ADAM18: variants seen among roughly 807,000 people sequenced by gnomAD.
The protein encoded by ADAM18 is ADAM metallopeptidase domain 18.
In ADAM18, 117 loss-of-function variants were observed where a neutral mutation model predicts 94.4. The ratio of observed to expected loss-of-function variants is 1.24; its 90% CI spans 1.07 to 1.45. The LOEUF (loss-of-function observed/expected upper bound fraction) is 1.45. Among genes scored for constraint, ADAM18 ranks in the 40% most tolerant of loss-of-function variants. ADAM18 has a pLI of 0.00. For missense variants in ADAM18, 936 were observed against 880.0 expected, an observed-to-expected ratio of 1.06 and a Z score of -0.81; for synonymous variants, 327 against 291.6, an observed-to-expected ratio of 1.12 and a Z score of -1.24.
At chr8:39,726,265 C>A (rs1322535629) in intron 19 of ADAM18, among the ~76,000 whole-genome samples, 2 of 150,162 alleles carry the variant, frequency 1.3e-5, no homozygotes, top group Non-Finnish European at 3.0e-5. Flanking sequence ...TCTACACACA[C>A]ACACACACAC....
At position 39,614,137 on chromosome 8, in the gene ADAM18, A is replaced by G. The variant is rs148240046; in HGVS notation, c.522+3431A>G. On this transcript the variant is annotated intron_variant, in intron 6 of 19. Transcript: ENST00000265707. ...TAGGAAATTCAGAGAACCCCAGGAA[A>G]ATGCTATACGAGACAACCATCCCAA... Among the ~76,000 whole-genome samples, 290 of 152,314 alleles carry G rather than the reference A, an allele frequency of 1.9e-3. 2 individuals carry two copies. The highest frequency in any genetic ancestry group is 6.4e-3 in the African/African-American group (268 of 41,576).
At chr8:39,625,799 A>AT (rs1389537703) in intron 6 of ADAM18, among the ~76,000 whole-genome samples, 1 of 151,842 alleles carries the variant, frequency 6.6e-6, no homozygotes, top group Non-Finnish European at 1.5e-5. Flanking sequence ...ATTATTTTCA[A>AT]TTTTTTATGT....
In ADAM18 at chr8:39,701,117, C is replaced by CAAAAAAAAAAAAAAAAAA. The variant is rs71237188; in HGVS notation, c.1903-5658_1903-5641dup. 4.3e-4 allele frequency among the ~76,000 whole-genome samples: 15 copies of CAAAAAAAAAAAAAAAAAA among 34,564 alleles called. 2 individuals are homozygous for CAAAAAAAAAAAAAAAAAA. Among genetic ancestry groups the CAAAAAAAAAAAAAAAAAA allele is most frequent in the African/African-American group, 9.2e-4 (9 of 9,814 alleles). 22.7% of individuals were successfully genotyped at this position (34,564 alleles called of 152,430 possible). On this transcript the variant is annotated intron_variant, in intron 17 of 19. Transcript: ENST00000265707. ...TGGGCGACAGAGCAAGACTCTGTCT[C>CAAAAAAAAAAAAAAAAAA]AAAAAAAAAAAAAAAAAAAAAAAAA...
chr8:39,729,814 G>A, intron 19 of ADAM18, 84 bp from the exon 20 acceptor site: 2 of 1,073,882 alleles, frequency 1.9e-6, no homozygotes, highest in East Asian at 2.4e-5. Context: ...TAGAAATTCA[G>A]TAGTAAATAT....
chr8:39,704,533 T>C, intron 17 of ADAM18, among the ~76,000 whole-genome samples: 1 of 152,178 alleles, frequency 6.6e-6, no homozygotes, highest in African/African-American at 2.4e-5. Context: ...TAAATCATTT[T>C]TAATGTTTTA....
intron 2 of ADAM18, among the ~76,000 whole-genome samples, chr8:39,596,581 G>T (rs1377522500): frequency 6.6e-6 from 1 of 152,158 alleles, no homozygotes; most frequent in Non-Finnish European, 1.5e-5. Flanking sequence ...CCTACTGAAG[G>T]ATGTGTTGGC....
chr8:39,670,665 A>C (rs901931900), intron 14 of ADAM18, among the ~76,000 whole-genome samples: 1 of 152,258 alleles, frequency 6.6e-6, no homozygotes, highest in African/African-American at 2.4e-5. Context: ...TAAGAGAAAA[A>C]GACAGTAAAA....
At chr8:39,662,022 C>G (rs1188975251) in intron 12 of ADAM18, among the ~76,000 whole-genome samples, 1 of 151,368 alleles carries the variant, frequency 6.6e-6, no homozygotes, top group African/African-American at 2.4e-5. Context: ...GAAAAAAGCT[C>G]TGCTATGCAA....
At chr8:39,706,767 G>C in intron 17 of ADAM18, 23 bp from the exon 18 acceptor site, 2 of 1,383,296 alleles carry the variant, frequency 1.4e-6, no homozygotes, top group Non-Finnish European at 2.1e-6. Context: ...GACTCAAACT[G>C]TTTCTGTATT....
At position 39,663,829 on chromosome 8, in the gene ADAM18, C is replaced by G; in HGVS notation, c.1265C>G (p.Thr422Arg). The G allele has an allele frequency of 6.2e-7, 1 of 1,612,648 alleles. No homozygotes were observed. The highest frequency in any genetic ancestry group is 8.5e-7 in the Non-Finnish European group (1 of 1,179,608). ...TTTAAGAAGTGCTGTGATTATAACA[C>G]ATGTAAACTGAAGGGCTCAGTAAAA... ...CQFKKCCDYN[T>R]CKLKGSVKCG... The change falls in exon 13 of 20, where the codon ACA becomes AGA. Residue 422 changes from threonine to arginine, a missense_variant. Physicochemically the swap from Thr to Arg is moderately conservative, Grantham distance 71. Transcript: ENST00000265707.
At chr8:39,603,858 C>G (rs536598078) in intron 2 of ADAM18, among the ~76,000 whole-genome samples, 2 of 151,970 alleles carry the variant, frequency 1.3e-5, no homozygotes, top group Non-Finnish European at 2.9e-5. Flanking sequence ...TTCTCTGTTT[C>G]TTATTTATTC....
intron 12 of ADAM18, among the ~76,000 whole-genome samples, chr8:39,656,563 C>T (rs1820689647): frequency 1.3e-5 from 2 of 152,028 alleles, no homozygotes; most frequent in African/African-American, 4.8e-5. Context: ...TAATAATTTT[C>T]TCTAAATGTC....
intron 19 of ADAM18, 81 bp downstream of exon 19, chr8:39,723,988 T>C (rs928244470): frequency 2.3e-6 from 2 of 861,306 alleles, no homozygotes; most frequent in African/African-American, 3.6e-5. Flanking sequence ...ATAACATTTG[T>C]TATATTAATT....
chr8:39,668,252 T>G lies in ADAM18; in HGVS notation c.1525+56T>G, dbSNP rs1356428763. 4 of 1,497,148 alleles carry G rather than the reference T, an allele frequency of 2.7e-6. No homozygotes were observed. The East Asian group carries it at 9.1e-5, about 34-fold the overall frequency. The allele number at this position is 1,497,148 out of a possible 1,614,324, so 92.7% of individuals were successfully genotyped here. On this transcript the variant is annotated intron_variant, in intron 14 of 19. Coordinates refer to ENST00000265707, the MANE Select transcript of ADAM18 (RefSeq NM_014237.3). ...CTTACATTTGCATCTCTCTGTAGAG[T>G]ACATTATGTACCACACAACTCTAGA... is the stretch of plus-strand genomic sequence containing the variant.
At chr8:39,677,605 G>A in intron 15 of ADAM18, 69 bp downstream of exon 15, 3 of 1,148,624 alleles carry the variant, frequency 2.6e-6, no homozygotes, top group Non-Finnish European at 3.7e-6. Flanking sequence ...GAGACACTAA[G>A]TAGTAATGAA....
intron 7 of ADAM18, among the ~76,000 whole-genome samples, chr8:39,631,454 T>C (rs1819928619): frequency 6.6e-6 from 1 of 151,910 alleles, no homozygotes; most frequent in African/African-American, 2.4e-5. Context: ...TCTTACTCCA[T>C]TCAGTTGTGT....
At chr8:39,671,374 A>G (rs1418123899) in intron 14 of ADAM18, among the ~76,000 whole-genome samples, 1 of 152,222 alleles carries the variant, frequency 6.6e-6, no homozygotes, top group Non-Finnish European at 1.5e-5. Context: ...GCCAAATACC[A>G]TTGAACTTAG....
At chr8:39,638,357 T>A (rs1820143267) in intron 9 of ADAM18, 108 bp from the exon 10 acceptor site, 2 of 623,946 alleles carry the variant, frequency 3.2e-6, no homozygotes, top group Admixed American at 3.5e-5. Flanking sequence ...AAGCTTTATA[T>A]ATTTGCAAAG....
intron 3 of ADAM18, among the ~76,000 whole-genome samples, chr8:39,607,375 G>A (rs975023911): frequency 2.0e-5 from 3 of 152,114 alleles, no homozygotes; most frequent in African/African-American, 7.2e-5. Flanking sequence ...TCAAACATAT[G>A]TATTTATAGC....
Sources: allele counts gnomAD v4.1 joint callset (sites outside exome capture counted in the v4.1 genomes callset), GRCh38; gene constraint gnomAD v4.1.1; transcripts MANE v1.5; gene names NCBI Gene and HGNC (gene_info 2026-07-23, HGNC 2026-07-21).